Variants in RALYL observed in about 807,000 individuals in gnomAD.
RALYL encodes RNA-binding Raly-like protein.
A neutral mutation model predicts 35.1 loss-of-function variants in RALYL; 29 were observed. That is an observed-to-expected ratio of 0.83 (90% confidence interval 0.61 to 1.13). RALYL has a LOEUF of 1.13. RALYL is among the 50% of genes most tolerant of loss of function. The pLI, the probability that RALYL is intolerant of heterozygous loss-of-function variation, is 0.00. For missense variants in RALYL, 359 were observed against 360.4 expected, an observed-to-expected ratio of 1.00 and a Z score of 0.03; for synonymous variants, 120 against 127.6, an observed-to-expected ratio of 0.94 and a Z score of 0.40.
chr8:84,310,415 T>G (rs1842549778), intron 1 of RALYL, among the ~76,000 whole-genome samples: 1 of 151,728 alleles, frequency 6.6e-6, no homozygotes, highest in Admixed American at 6.6e-5. Flanking sequence ...TTAATAGTGG[T>G]AATCATCACA....
At chr8:84,263,574 A>G (rs2131840031) in intron 1 of RALYL, among the ~76,000 whole-genome samples, 1 of 152,316 alleles carries the variant, frequency 6.6e-6, no homozygotes, top group Admixed American at 6.5e-5. Context: ...TTAGGTTAGT[A>G]TTGAAGACGG....
At chr8:84,300,023 G>T in intron 1 of RALYL, among the ~76,000 whole-genome samples, 1 of 152,044 alleles carries the variant, frequency 6.6e-6, no homozygotes, top group African/African-American at 2.4e-5. Flanking sequence ...CTCTAAGAGT[G>T]ATATTAGGTT....
At chr8:84,308,160 C>G (rs6473541) in intron 1 of RALYL, among the ~76,000 whole-genome samples, 1 of 148,250 alleles carries the variant, frequency 6.7e-6, no homozygotes, top group Non-Finnish European at 1.5e-5. Context: ...AGATTCTACA[C>G]GGAAAAAAAA....
At chr8:84,330,296 G>T (rs1846572868) in intron 1 of RALYL, among the ~76,000 whole-genome samples, 1 of 151,950 alleles carries the variant, frequency 6.6e-6, no homozygotes, top group Non-Finnish European at 1.5e-5. Context: ...ATAATTCTTA[G>T]TCTTTCTGAA....
intron 1 of RALYL, among the ~76,000 whole-genome samples, chr8:84,425,459 T>G (rs1471320076): frequency 2.0e-5 from 3 of 152,138 alleles, no homozygotes; most frequent in African/African-American, 7.2e-5. Context: ...TGGCACTCCC[T>G]AGTGAGATGC....
intron 2 of RALYL, among the ~76,000 whole-genome samples, chr8:84,687,436 A>G (rs975010879): frequency 2.0e-5 from 3 of 152,126 alleles, no homozygotes; most frequent in South Asian, 4.1e-4. Flanking sequence ...ATTTCACTCA[A>G]CTGATTAGGT....
At chr8:84,225,950 A>G (rs1586337581) in intron 1 of RALYL, among the ~76,000 whole-genome samples, 1 of 152,236 alleles carries the variant, frequency 6.6e-6, no homozygotes, top group African/African-American at 2.4e-5. Context: ...GAAGTAGGTT[A>G]TTTAGTGAGT....
At chr8:84,748,670 C>T (rs1809231575) in intron 2 of RALYL, among the ~76,000 whole-genome samples, 1 of 152,056 alleles carries the variant, frequency 6.6e-6, no homozygotes, top group South Asian at 2.1e-4. Flanking sequence ...TGTATCTTAA[C>T]TTCAAACTAT....
At chr8:84,255,478 G>A (rs1201570912) in intron 1 of RALYL, among the ~76,000 whole-genome samples, 3 of 152,054 alleles carry the variant, frequency 2.0e-5, no homozygotes, top group African/African-American at 7.2e-5. Context: ...GGATGTATTT[G>A]GAAATTCAAA....
At chr8:84,573,770 C>T (rs1395133577) in intron 2 of RALYL, among the ~76,000 whole-genome samples, 4 of 151,868 alleles carry the variant, frequency 2.6e-5, no homozygotes, top group Non-Finnish European at 4.4e-5. Flanking sequence ...TCTCTGATCT[C>T]TTTTGAATAG....
intron 2 of RALYL, among the ~76,000 whole-genome samples, chr8:84,746,909 T>A (rs1469054308): frequency 6.6e-6 from 1 of 151,934 alleles, no homozygotes; most frequent in African/African-American, 2.4e-5. Flanking sequence ...ATATTCAATT[T>A]ATTAAAGTTA....
intron 8 of RALYL, among the ~76,000 whole-genome samples, chr8:84,891,043 G>A (rs1843760815): frequency 6.6e-6 from 1 of 152,140 alleles, no homozygotes; most frequent in Non-Finnish European, 1.5e-5. Context: ...TGTACTTAGG[G>A]ACCGAGATAT....
chr8:84,899,126 TA>T (rs1284853209), intron 8 of RALYL, among the ~76,000 whole-genome samples: 1 of 152,182 alleles, frequency 6.6e-6, no homozygotes, highest in African/African-American at 2.4e-5. Context: ...CTGCCTGGAA[TA>T]ACCCATTCTA....
At chr8:84,780,513 T>G (rs1817896072) in intron 3 of RALYL, among the ~76,000 whole-genome samples, 1 of 152,214 alleles carries the variant, frequency 6.6e-6, no homozygotes, top group Non-Finnish European at 1.5e-5. Context: ...CACAAATGAA[T>G]GTTGAAATGC....
chr8:84,264,398 T>C (rs1832878603), intron 1 of RALYL, among the ~76,000 whole-genome samples: 1 of 152,036 alleles, frequency 6.6e-6, no homozygotes, highest in Non-Finnish European at 1.5e-5. Context: ...GTTTCGTGGT[T>C]GCATGAATGT....
chr8:84,523,240 T>C (rs537469421), intron 1 of RALYL, among the ~76,000 whole-genome samples: 8 of 151,800 alleles, frequency 5.3e-5, no homozygotes, highest in Admixed American at 2.0e-4. Flanking sequence ...AGGCATGACA[T>C]ATGGCAGCAG....
chr8:84,306,317 A>G (rs1173561196), intron 1 of RALYL, among the ~76,000 whole-genome samples: 1 of 152,186 alleles, frequency 6.6e-6, no homozygotes, highest in Non-Finnish European at 1.5e-5. Context: ...CTTGTACATG[A>G]TAAAAAGGAG....
intron 1 of RALYL, among the ~76,000 whole-genome samples, chr8:84,503,946 G>GA (rs1451126460): frequency 6.6e-6 from 1 of 151,798 alleles, no homozygotes; most frequent in Non-Finnish European, 1.5e-5. Flanking sequence ...TCAAATATTA[G>GA]AAAAAATATA....
At chr8:84,334,896 G>T (rs1348891735) in intron 1 of RALYL, among the ~76,000 whole-genome samples, 2 of 152,054 alleles carry the variant, frequency 1.3e-5, no homozygotes, top group Admixed American at 6.6e-5. Flanking sequence ...AATTAACCCT[G>T]TCCTCTTATC....
Sources: allele counts gnomAD v4.1 joint callset (sites outside exome capture counted in the v4.1 genomes callset), GRCh38; gene constraint gnomAD v4.1.1; transcripts MANE v1.5; gene names NCBI Gene and HGNC (gene_info 2026-07-23, HGNC 2026-07-21).